The following ITSN2 variants were observed in gnomAD, a reference collection of about 807,000 sequenced individuals.
ITSN2 encodes the protein intersectin-2.
A neutral mutation model predicts 243.7 loss-of-function variants in ITSN2; 156 were observed. That is an observed-to-expected ratio of 0.64 (90% CI 0.56 to 0.73). The LOEUF (loss-of-function observed/expected upper bound fraction) is 0.73, where lower values mean the gene tolerates loss of function less well. Ranked by LOEUF, ITSN2 falls within the 30% of genes least tolerant of loss-of-function variation. The pLI is 0.00. For synonymous variants in ITSN2, 703 were observed against 699.9 expected (o/e 1.00, Z -0.07); for missense variants, 1,801 against 1,996.1 (o/e 0.90, Z 1.86).
chr2:24,315,181 C>T lies in ITSN2; in HGVS notation c.75G>A (p.Lys25=). Residue 25 remains lysine, a synonymous_variant, in exon 3 of 40, where the codon AAG becomes AAA. Coordinates refer to ENST00000355123, the MANE Select transcript of ITSN2 (RefSeq NM_006277.3). Reference sequence around the variant, plus strand: ...TGAGGTTATCAAACTGCCTGTCATGCTTAGTACGTTCTTCAGAGGTAATAG... The same window carrying T: ...TGAGGTTATCAAACTGCCTGTCATGTTTAGTACGTTCTTCAGAGGTAATAG... ...MWAITSEERT[K]HDRQFDNLKP... 2 of 1,612,786 alleles carry T rather than the reference C, an allele frequency of 1.2e-6. No individual in the cohort carries two copies. The highest frequency in any genetic ancestry group is 1.7e-6 in the Non-Finnish European group (2 of 1,179,114).
chr2:24,235,484 T>G (rs1356004389), intron 29 of ITSN2, among the ~76,000 whole-genome samples: 1 of 152,062 alleles, frequency 6.6e-6, no homozygotes, highest in African/African-American at 2.4e-5. Flanking sequence ...ACTACAGACT[T>G]TGATAATGAC....
In ITSN2 at chr2:24,328,029, G is replaced by T. The variant is rs535844321; in HGVS notation, c.31+23C>A. The T allele has an allele frequency of 5.8e-5, 92 of 1,596,730 alleles. 1 individual carries two copies. The South Asian group carries it at 8.4e-4, about 15-fold the overall frequency. On this transcript the variant is annotated intron_variant, in intron 2 of 39. Transcript: ENST00000355123. Reference sequence around the variant, plus strand: ...AAAAAAAAATCCATAACCTCATCTTGCCACAAGCACAAAGCTGCTTACCAT... The same window carrying T: ...AAAAAAAAATCCATAACCTCATCTTTCCACAAGCACAAAGCTGCTTACCAT...
At chr2:24,302,285 G>A (rs538016761) in intron 9 of ITSN2, among the ~76,000 whole-genome samples, 183 bp from the exon 10 acceptor site, 29 of 152,056 alleles carry the variant, frequency 1.9e-4, no homozygotes, top group Non-Finnish European at 1.0e-4. Context: ...TGCAAGCTCC[G>A]CCTCCCGGGT....
rs541104774 is a variant in ITSN2 at position 24,233,495 on chromosome 2, T to C, written c.3578-12429A>G. Reference sequence around the variant, plus strand: ...TTAACTGATGACTGTTCTGCTTTTGTGGTTGGGAGTTAAGAGCAGCTCCCA... The same window carrying C: ...TTAACTGATGACTGTTCTGCTTTTGCGGTTGGGAGTTAAGAGCAGCTCCCA... On this transcript the variant is annotated intron_variant, in intron 29 of 39. Transcript: ENST00000355123. 7.2e-5 allele frequency among the ~76,000 whole-genome samples: 11 copies of C among 152,320 alleles called. No homozygotes were observed. The East Asian group carries it at 1.9e-3, about 27-fold the overall frequency.
chr2:24,305,297 A>G (rs188602576), intron 8 of ITSN2, among the ~76,000 whole-genome samples: 1,741 of 152,214 alleles, frequency 0.011, 19 homozygotes, highest in Non-Finnish European at 0.017. Flanking sequence ...GAAGAGAAGT[A>G]AAAAAGGGAA....
Position 24,218,007 on chromosome 2 carries a change from G to A in ITSN2, c.3706C>T (p.Gln1236Ter). ...AAGCCTGACTCTGCCATGCGTTTCTGAAAAACCTAAAGTCAAAACATAGAA... is the reference window on the plus strand; with the variant it reads ...AAGCCTGACTCTGCCATGCGTTTCTAAAAAACCTAAAGTCAAAACATAGAA... ...ADLQLVVEVF[Q>*]KRMAESGFLT... The change falls in exon 31 of 40, where the codon CAG becomes TAG. Residue 1236 changes from glutamine to a stop codon, truncating the protein, a stop_gained. Coordinates refer to ENST00000355123, the MANE Select transcript of ITSN2 (RefSeq NM_006277.3). LOFTEE classifies it high-confidence loss of function. The A allele has an allele frequency of 6.2e-7, 1 of 1,612,940 alleles. No individual in the cohort carries two copies. Among genetic ancestry groups the A allele is most frequent in the Non-Finnish European group, 8.5e-7 (1 of 1,178,962 alleles).
intron 1 of ITSN2, among the ~76,000 whole-genome samples, chr2:24,342,490 G>C (rs10084188): frequency 0.83 from 123,735 of 148,574 alleles, 52,407 homozygotes; most frequent in East Asian, 0.92. Flanking sequence ...TCTTCTTTAG[G>C]CTCAGACAAC....
At chr2:24,240,411 G>A (rs548691520) in intron 29 of ITSN2, 1 of 152,234 alleles carries the variant, frequency 6.6e-6, no homozygotes, top group African/African-American at 2.4e-5. Flanking sequence ...AGTATCATGA[G>A]GATGCCAAAT....
At chr2:24,253,865 A>G (rs1300057769) in intron 24 of ITSN2, among the ~76,000 whole-genome samples, 1 of 152,208 alleles carries the variant, frequency 6.6e-6, no homozygotes, top group African/African-American at 2.4e-5. Context: ...TATCCTCTGA[A>G]ATTAGGGTAA....
chr2:24,300,554 C>A (rs1462524326), intron 11 of ITSN2, among the ~76,000 whole-genome samples: 1 of 152,126 alleles, frequency 6.6e-6, no homozygotes, highest in East Asian at 1.9e-4. Flanking sequence ...CCCATCTCTA[C>A]TAAAAATACC....
intron 8 of ITSN2, among the ~76,000 whole-genome samples, chr2:24,307,491 C>T (rs561503414): frequency 2.2e-4 from 33 of 152,058 alleles, no homozygotes; most frequent in Non-Finnish European, 4.1e-4. Flanking sequence ...ATAGGTCACC[C>T]GTGAACCTAC....
chr2:24,246,073 T>C (rs1373581984), intron 29 of ITSN2, 56 bp downstream of exon 29: 3 of 1,105,918 alleles, frequency 2.7e-6, no homozygotes, highest in Admixed American at 4.0e-5. Flanking sequence ...ATAAATGCAG[T>C]GCTGTATATT....
At chr2:24,221,939 C>A (rs1183405088) in intron 29 of ITSN2, among the ~76,000 whole-genome samples, 1 of 152,138 alleles carries the variant, frequency 6.6e-6, no homozygotes, top group Non-Finnish European at 1.5e-5. Flanking sequence ...CCTCAGGAAA[C>A]CCTTCTTAGA....
intron 22 of ITSN2, among the ~76,000 whole-genome samples, chr2:24,260,046 A>G (rs1675607721): frequency 1.3e-5 from 2 of 152,180 alleles, no homozygotes; most frequent in Non-Finnish European, 1.5e-5. Context: ...TCAACCTCCC[A>G]AGTAGCTAGT....
chr2:24,267,631 T>A (rs1032320056), intron 20 of ITSN2, among the ~76,000 whole-genome samples: 1 of 152,176 alleles, frequency 6.6e-6, no homozygotes, highest in Non-Finnish European at 1.5e-5. Flanking sequence ...CACAGCTCAC[T>A]GTAGCCTTGA....
At chr2:24,260,172 T>TG (rs1159103450) in intron 22 of ITSN2, among the ~76,000 whole-genome samples, 1 of 152,178 alleles carries the variant, frequency 6.6e-6, no homozygotes, top group Non-Finnish European at 1.5e-5. Flanking sequence ...CCTCCCATCT[T>TG]GGACTCCCAA....
chr2:24,240,430 T>C (rs759894079), intron 29 of ITSN2: 6 of 152,148 alleles, frequency 3.9e-5, no homozygotes, highest in Non-Finnish European at 8.8e-5. Context: ...ATGCTAAAAA[T>C]AGAGGTGGTC....
intron 29 of ITSN2, among the ~76,000 whole-genome samples, chr2:24,232,705 T>C (rs1454722698): frequency 6.6e-6 from 1 of 152,166 alleles, no homozygotes; most frequent in Non-Finnish European, 1.5e-5. Flanking sequence ...TATAAGTAAA[T>C]AGATAATCTG....
Position 24,204,091 on chromosome 2 carries a change from G to A in ITSN2, c.4936+154C>T. 1 of 749,290 alleles carries A rather than the reference G, an allele frequency of 1.3e-6. No individual in the cohort carries two copies. Among genetic ancestry groups the A allele is most frequent in the Non-Finnish European group, 2.2e-6 (1 of 458,198 alleles). The allele number at this position is 749,290 out of a possible 1,614,324, so 46.4% of individuals were successfully genotyped here. A position where few individuals can be genotyped will look rare whatever the true frequency, so the allele number is the denominator to read the frequency against. On this transcript the variant is annotated intron_variant, in intron 39 of 39. Coordinates refer to ENST00000355123, the MANE Select transcript of ITSN2 (RefSeq NM_006277.3). The surrounding 1 kb of genome is among the most constrained non-coding windows in gnomAD (Gnocchi z 5.1). ...TCAGGCCACCTCCTCCCCTGAGGAA[G>A]GCCACCCACCTGCTGCCAAAGCGAG...
Sources: allele counts gnomAD v4.1 joint callset (sites outside exome capture counted in the v4.1 genomes callset), GRCh38; gene constraint gnomAD v4.1.1; non-coding constraint Gnocchi (gnomAD v3.1); transcripts MANE v1.5; gene names NCBI Gene and HGNC (gene_info 2026-07-23, HGNC 2026-07-21).